OCA2: variants seen among roughly 807,000 people sequenced by gnomAD.
OCA2 encodes the protein OCA2 melanosomal transmembrane protein.
Under a neutral mutation model 100.2 loss-of-function variants are expected in OCA2, and 77 were observed. The observed-to-expected ratio is 0.77, with a 90% CI of 0.64 to 0.93. The LOEUF is 0.93. Among genes scored for constraint, OCA2 ranks in the 40% least tolerant of loss-of-function variants. The pLI is 0.00. For missense variants in OCA2, 1,062 were observed against 1,089.1 expected, an observed-to-expected ratio of 0.98 and a Z score of 0.35; for synonymous variants, 432 against 439.2, an observed-to-expected ratio of 0.98 and a Z score of 0.21.
chr15:27,966,159 C>T (rs1174707219), intron 15 of OCA2, among the ~76,000 whole-genome samples: 1 of 152,238 alleles, frequency 6.6e-6, no homozygotes, highest in African/African-American at 2.4e-5. Flanking sequence ...TTAGTAGAGA[C>T]GGGGTTTCAC....
At chr15:28,005,342 C>T (rs1248438062) in intron 9 of OCA2, among the ~76,000 whole-genome samples, 1 of 152,164 alleles carries the variant, frequency 6.6e-6, no homozygotes, top group African/African-American at 2.4e-5. Context: ...TCTCCATTGG[C>T]AAAACCGGAG....
In OCA2 at chr15:27,966,723, T is replaced by C; in HGVS notation, c.1603A>G (p.Lys535Glu). 6.2e-7 allele frequency: 1 copy of C among 1,614,038 alleles called. No homozygotes were observed. Residue 535 changes from lysine (K) to glutamate (E), a missense_variant, in exon 15 of 24, where the codon AAG (lysine) becomes GAG (glutamate). Physicochemically the swap from Lys to Glu is moderately conservative, Grantham distance 56 (BLOSUM62 1). Transcript: ENST00000354638. ...PLLRLLYWNR[K>E]LYNKEPSEIV... Reference sequence around the variant, plus strand: ...TCACTGGGTTCCTTGTTATAAAGCTTTCTGTTCCAGTAAAGGAGTCTGAGG... The same window carrying C: ...TCACTGGGTTCCTTGTTATAAAGCTCTCTGTTCCAGTAAAGGAGTCTGAGG...
rs2040276912 is a variant in OCA2 at position 27,957,748 on chromosome 15, G to A, written c.1637-13C>T. 1.2e-6 allele frequency: 2 copies of A among 1,612,962 alleles called. No homozygotes were observed. The highest frequency in any genetic ancestry group is 1.3e-5 in the African/African-American group (1 of 74,912). Reference sequence around the variant, plus strand: ...TCGTGCTTCAGTTCTGCAGAGAAAGGAAGGCGAAGCTTGGGTCTCCCATGA... The same window carrying A: ...TCGTGCTTCAGTTCTGCAGAGAAAGAAAGGCGAAGCTTGGGTCTCCCATGA... On this transcript the variant is annotated splice_polypyrimidine_tract_variant and intron_variant, in intron 15 of 23. Coordinates refer to ENST00000354638, the MANE Select transcript of OCA2 (RefSeq NM_000275.3). This position sits in a 1 kb window ranked among gnomAD's most constrained non-coding sequence, Gnocchi z 4.3.
chr15:27,726,516 T>C, the OCA2 span, among the ~76,000 whole-genome samples: 5 of 152,132 alleles, frequency 3.3e-5, no homozygotes, highest in African/African-American at 9.7e-5. Context: ...ACCACAATGC[T>C]TCGCTCAGCA....
At chr15:27,969,324 G>A (rs1279868114) in intron 14 of OCA2, among the ~76,000 whole-genome samples, 1 of 152,154 alleles carries the variant, frequency 6.6e-6, no homozygotes, top group African/African-American at 2.4e-5. Flanking sequence ...ACTTGCGATG[G>A]GTGGATTCAT....
rs1483841537 is a variant in OCA2 at position 27,755,429 on chromosome 15, A to C, written c.2476T>G (p.Cys826Gly). Residue 826 changes from cysteine to glycine, a missense_variant, in exon 24 of 24, where the codon TGT becomes GGT. Cys to Gly is a radical substitution (Grantham distance 159). Transcript: ENST00000354638. ...MMVVSCTVGM[C>G]YLLVAHVVVG... The stretch of plus-strand genomic sequence containing the variant: ...ACCACATGAGCCACAAGGAGATAAC[A>C]CATCCCAACAGTGCAGGACACAACC... 5 of 1,614,066 alleles carry C rather than the reference A, an allele frequency of 3.1e-6. No homozygotes were observed. Among genetic ancestry groups the C allele is most frequent in the Non-Finnish European group, 4.2e-6 (5 of 1,179,904 alleles).
At chr15:27,903,853 A>G (rs2038063283) in intron 19 of OCA2, among the ~76,000 whole-genome samples, 1 of 152,252 alleles carries the variant, frequency 6.6e-6, no homozygotes. Context: ...GAATTTTTAC[A>G]TGAATATTTC....
chr15:28,064,667 G>A (rs897592156), intron 2 of OCA2, among the ~76,000 whole-genome samples: 1 of 151,450 alleles, frequency 6.6e-6, no homozygotes, highest in East Asian at 1.9e-4. Flanking sequence ...TTGTTCATAC[G>A]GTGTTTTTCT....
rs567889605 is a variant in OCA2, at chr15:28,049,162, G to A, written c.228-16999C>T. Reference sequence around the variant, plus strand: ...AATACAACCCAATTTTTAAATGGGCGAAAGACTTACATGAACAGTTCTTCA... The same window carrying A: ...AATACAACCCAATTTTTAAATGGGCAAAAGACTTACATGAACAGTTCTTCA... On this transcript the variant is annotated intron_variant, in intron 2 of 23. Coordinates refer to ENST00000354638, the MANE Select transcript of OCA2 (RefSeq NM_000275.3). Among the ~76,000 whole-genome samples the A allele has an allele frequency of 2.4e-4, 37 of 152,174 alleles. No homozygotes were observed. In the South Asian group the frequency reaches 2.5e-3, roughly 10 times the overall value.
chr15:27,921,696 C>T (rs1460270696), intron 19 of OCA2, among the ~76,000 whole-genome samples: 2 of 152,106 alleles, frequency 1.3e-5, no homozygotes, highest in Non-Finnish European at 2.9e-5. Flanking sequence ...TCAATTAACA[C>T]ATATTTCATT....
intron 19 of OCA2, among the ~76,000 whole-genome samples, chr15:27,893,716 T>C (rs1015222508): frequency 5.3e-5 from 8 of 152,142 alleles, no homozygotes; most frequent in African/African-American, 1.7e-4. Context: ...CCTGGTAAAT[T>C]TGTAGTCAGA....
At chr15:28,082,765 T>C (rs866420239) in intron 1 of OCA2, among the ~76,000 whole-genome samples, 1 of 152,196 alleles carries the variant, frequency 6.6e-6, no homozygotes, top group African/African-American at 2.4e-5. Flanking sequence ...GGGTCCTTTT[T>C]CTTTGGTTTT....
chr15:27,755,639 A>AATGC (rs1447977612), intron 23 of OCA2, among the ~76,000 whole-genome samples, 167 bp from the exon 24 acceptor site: 1 of 152,204 alleles, frequency 6.6e-6, no homozygotes, highest in Non-Finnish European at 1.5e-5. Flanking sequence ...AAATTATGTG[A>AATGC]ATGCATGCTT....
Position 27,824,779 on chromosome 15 carries a change from C to A in OCA2, c.2432+20180G>T, listed in dbSNP as rs557130647. On this transcript the variant is annotated intron_variant, in intron 23 of 23. Coordinates refer to ENST00000354638, the MANE Select transcript of OCA2 (RefSeq NM_000275.3). ...CTTTTTTTGAAGCCTGCCTCGCACA[C>A]GACTCAGGTGTGCACACACGTAAGG... is the stretch of plus-strand genomic sequence containing the variant. 5.3e-5 allele frequency among the ~76,000 whole-genome samples: 8 copies of A among 151,904 alleles called. No individual in the cohort carries two copies. The East Asian group carries it at 1.6e-3, about 30-fold the overall frequency.
intron 16 of OCA2, 141 bp from the exon 17 acceptor site, chr15:27,955,356 G>A: frequency 1.4e-6 from 1 of 727,676 alleles, no homozygotes; most frequent in Admixed American, 2.1e-5. Flanking sequence ...TGGGGGGCCG[G>A]TGGGGCTTCA....
downstream of OCA2, among the ~76,000 whole-genome samples, chr15:27,753,617 G>C (rs2030151943): frequency 1.3e-5 from 2 of 151,942 alleles, no homozygotes; most frequent in South Asian, 4.2e-4. Flanking sequence ...GGTGCATGTA[G>C]TCCCAGCTAC....
At position 28,001,816 on chromosome 15, in the gene OCA2, C is replaced by T. The variant is rs2041936093; in HGVS notation, c.1045-11169G>A. Among the ~76,000 whole-genome samples, 3 of 152,280 alleles carry T rather than the reference C, an allele frequency of 2.0e-5. No homozygotes were observed. In the South Asian group the frequency reaches 6.2e-4, roughly 32 times the overall value. Reference sequence around the variant, plus strand: ...ATGCACCTCAGCGATGCCCGGAGGCCGTGCACAGCCCTGACAAATGCCCAG... The same window carrying T: ...ATGCACCTCAGCGATGCCCGGAGGCTGTGCACAGCCCTGACAAATGCCCAG... On this transcript the variant is annotated intron_variant, in intron 9 of 23. Transcript: ENST00000354638.
intron 9 of OCA2, among the ~76,000 whole-genome samples, chr15:27,994,040 A>G (rs2041641332): frequency 6.6e-6 from 1 of 152,196 alleles, no homozygotes; most frequent in African/African-American, 2.4e-5. Context: ...GGACCTAAAG[A>G]GTAAAAATAA....
chr15:28,087,233 A>G (rs1016648770), intron 1 of OCA2, among the ~76,000 whole-genome samples: 5 of 152,168 alleles, frequency 3.3e-5, no homozygotes, highest in Non-Finnish European at 7.3e-5. Context: ...GACAGAAACC[A>G]TGGTGGCCAG....
Sources: allele counts gnomAD v4.1 joint callset (sites outside exome capture counted in the v4.1 genomes callset), GRCh38; gene constraint gnomAD v4.1.1; non-coding constraint Gnocchi (gnomAD v3.1); transcripts MANE v1.5; gene names NCBI Gene and HGNC (gene_info 2026-07-23, HGNC 2026-07-21).